CCDC93: variants seen among roughly 807,000 people sequenced by gnomAD.
CCDC93 encodes the protein coiled-coil domain-containing protein 93.
In CCDC93, 61 loss-of-function variants were observed where a neutral mutation model predicts 108.2. The ratio of observed to expected loss-of-function variants is 0.56; its 90% CI spans 0.46 to 0.70. CCDC93 has a LOEUF of 0.70. Ranked by LOEUF, CCDC93 falls within the 30% of genes least tolerant of loss-of-function variation. The pLI, the probability that CCDC93 is intolerant of heterozygous loss-of-function variation, is 0.00. For missense variants in CCDC93, 685 were observed against 764.2 expected (o/e 0.90, Z 1.22); for synonymous variants, 276 against 260.4 (o/e 1.06, Z -0.58).
intron 13 of CCDC93, chr2:117,950,521 A>G (rs894668113): frequency 1.0e-6 from 1 of 985,240 alleles, no homozygotes; most frequent in Non-Finnish European, 1.2e-6. Context: ...TACTTTTCCC[A>G]GATTTACTGG....
At chr2:117,998,296 G>C (rs1680731021) in intron 4 of CCDC93, 1 of 152,206 alleles carries the variant, frequency 6.6e-6, no homozygotes, top group African/African-American at 2.4e-5. Context: ...CTGCTGGCCA[G>C]TGATTATTCT....
chr2:117,984,874 G>A (rs1431262907), intron 7 of CCDC93, among the ~76,000 whole-genome samples: 1 of 152,164 alleles, frequency 6.6e-6, no homozygotes, highest in African/African-American at 2.4e-5. Context: ...CACTAGCACA[G>A]GGCCCCATGC....
At chr2:117,995,327 T>A (rs148615806) in intron 6 of CCDC93, 119 bp downstream of exon 6, 16,365 of 803,348 alleles carry the variant, frequency 0.02, 244 homozygotes, top group South Asian at 0.042. Flanking sequence ...GCCATCTGAG[T>A]CTAGCTCCTA....
At chr2:117,946,749 T>G in intron 16 of CCDC93, 62 bp downstream of exon 16, 1 of 1,212,846 alleles carries the variant, frequency 8.2e-7, no homozygotes, top group South Asian at 1.2e-5. Context: ...TTTGGTCCTC[T>G]AGAACTATCT....
intron 13 of CCDC93, chr2:117,950,537 C>A: frequency 1.0e-6 from 1 of 985,332 alleles, no homozygotes; most frequent in Middle Eastern, 5.2e-4. Context: ...ACTGGAAAGA[C>A]ACAAGTCCTC....
At chr2:117,937,297 G>A (rs946406042) in intron 20 of CCDC93, among the ~76,000 whole-genome samples, 2 of 152,094 alleles carry the variant, frequency 1.3e-5, no homozygotes, top group South Asian at 2.1e-4. Flanking sequence ...CCTCTTATCT[G>A]CCCCAATGAT....
chr2:117,965,200 TC>T (rs1166110005), intron 11 of CCDC93, among the ~76,000 whole-genome samples: 1 of 151,828 alleles, frequency 6.6e-6, no homozygotes, highest in Non-Finnish European at 1.5e-5. Flanking sequence ...ATAGGAGGTT[TC>T]CAAGAGAGGA....
rs1326289927 is a variant in CCDC93, at chr2:117,941,302, A to G, written c.1414-5T>C. The G allele has an allele frequency of 6.2e-6, 10 of 1,609,010 alleles. No homozygotes were observed. Among genetic ancestry groups the G allele is most frequent in the Non-Finnish European group, 8.5e-6 (10 of 1,175,336 alleles). ...TATTTCTCGATTTCTTCGAGCCTAA[A>G]TGCAAAAGGGAGACAGAGACAGTAC... On this transcript the variant is annotated splice_region_variant and splice_polypyrimidine_tract_variant and intron_variant, in intron 18 of 23. Coordinates refer to ENST00000376300, the MANE Select transcript of CCDC93 (RefSeq NM_019044.5).
chr2:117,969,528 C>A (rs1489552104), intron 11 of CCDC93, among the ~76,000 whole-genome samples: 1 of 152,184 alleles, frequency 6.6e-6, no homozygotes, highest in Non-Finnish European at 1.5e-5. Context: ...GATAACCACA[C>A]AAACAACGTG....
intron 7 of CCDC93, among the ~76,000 whole-genome samples, chr2:117,982,759 G>GC (rs923565314): frequency 1.4e-4 from 21 of 151,336 alleles, no homozygotes; most frequent in Non-Finnish European, 3.0e-5. Context: ...GTGTAGTGGG[G>GC]GGGGGGGTGC....
intron 7 of CCDC93, among the ~76,000 whole-genome samples, chr2:117,981,983 T>C (rs1680138552): frequency 6.6e-6 from 1 of 152,174 alleles, no homozygotes; most frequent in Admixed American, 6.5e-5. Flanking sequence ...TTGTTCTTTA[T>C]TCATTTGACA....
intron 6 of CCDC93, among the ~76,000 whole-genome samples, chr2:117,987,536 ATGTCTAGCCC>A (rs1371999783): frequency 6.6e-6 from 1 of 152,202 alleles, no homozygotes; most frequent in Non-Finnish European, 1.5e-5. Flanking sequence ...AAGAATGCTG[ATGTCTAGCCC>A]TATCTCTGCC....
chr2:117,994,720 T>C (rs1680590867), intron 6 of CCDC93, among the ~76,000 whole-genome samples: 3 of 152,182 alleles, frequency 2.0e-5, no homozygotes, highest in Admixed American at 6.5e-5. Flanking sequence ...GGCATATTAA[T>C]ACAAGAAACT....
chr2:117,920,438 T>C (rs767338737), intron 23 of CCDC93, 42 bp from the exon 24 acceptor site: 1 of 1,450,116 alleles, frequency 6.9e-7, no homozygotes, highest in Admixed American at 1.7e-5. Flanking sequence ...GGTGACTACA[T>C]TAGCACCCAT....
At chr2:117,973,843 G>C in intron 11 of CCDC93, 65 bp downstream of exon 11, 1 of 1,243,420 alleles carries the variant, frequency 8.0e-7, no homozygotes, top group Non-Finnish European at 1.2e-6. Context: ...GTGGGGTAAG[G>C]AAGTGGGAGA....
At chr2:118,000,186 CAT>C (rs1680799879) in intron 4 of CCDC93, 1 of 152,294 alleles carries the variant, frequency 6.6e-6, no homozygotes, top group African/African-American at 2.4e-5. Flanking sequence ...ATCACACACA[CAT>C]GGATACACAT....
In CCDC93 at chr2:118,003,798, A is replaced by C. The variant is rs1007641778; in HGVS notation, c.252-2866T>G. Reference sequence around the variant, plus strand: ...CAAGTCTGGACAGTCTTGGCAGCCAAGGTGAGGACATGGAGGAAAATGCAG... The same window carrying C: ...CAAGTCTGGACAGTCTTGGCAGCCACGGTGAGGACATGGAGGAAAATGCAG... On this transcript the variant is annotated intron_variant, in intron 3 of 23. Transcript: ENST00000376300. Among the ~76,000 whole-genome samples the C allele has an allele frequency of 3.9e-5, 6 of 152,286 alleles. No homozygotes were observed. The East Asian group carries it at 1.2e-3, about 30-fold the overall frequency.
intron 13 of CCDC93, chr2:117,949,714 AAAG>A: frequency 3.1e-6 from 3 of 978,270 alleles, no homozygotes; most frequent in Non-Finnish European, 3.6e-6. Context: ...TTAAAAAAAA[AAAG>A]TTTTAAAAAA....
At chr2:117,949,642 A>T (rs963107566) in intron 13 of CCDC93, 6 of 525,128 alleles carry the variant, frequency 1.1e-5, no homozygotes, top group Non-Finnish European at 1.5e-5. Flanking sequence ...CCGTTTCTCC[A>T]AACCTACACC....
Sources: gnomAD v4.1 joint callset for allele counts (sites outside exome capture counted in the v4.1 genomes callset) on GRCh38, gnomAD v4.1.1 for gene constraint, MANE v1.5 for transcripts, NCBI Gene and HGNC (gene_info 2026-07-23, HGNC 2026-07-21) for gene names.